CCT6B: variants seen among roughly 807,000 people sequenced by gnomAD.
CCT6B encodes chaperonin containing TCP1 subunit 6B, also known as probable T-complex protein 1 subunit zeta-2.
A neutral mutation model predicts 61.5 loss-of-function variants in CCT6B; 49 were observed. The ratio of observed to expected loss-of-function variants is 0.80; its 90% CI spans 0.63 to 1.01. The LOEUF (loss-of-function observed/expected upper bound fraction) is 1.01, where lower values mean the gene tolerates loss of function less well. Among genes scored for constraint, CCT6B ranks in the 50% least tolerant of loss-of-function variants. CCT6B has a pLI of 0.00. For synonymous variants in CCT6B, 228 were observed against 214.5 expected (o/e 1.06, Z -0.55); for missense variants, 666 against 634.7 (o/e 1.05, Z -0.53).
intron 7 of CCT6B, among the ~76,000 whole-genome samples, chr17:34,941,649 T>C (rs555308734): frequency 6.6e-6 from 1 of 152,332 alleles, no homozygotes; most frequent in African/African-American, 2.4e-5. Flanking sequence ...AGTTTGTCTG[T>C]CAGTCATTCT....
intron 5 of CCT6B, among the ~76,000 whole-genome samples, chr17:34,948,417 A>T (rs1178228319): frequency 6.6e-6 from 1 of 152,160 alleles, no homozygotes; most frequent in Admixed American, 6.5e-5. Context: ...GGCAAATACT[A>T]ATTAAAAGAA....
At chr17:34,954,993 C>T (rs2090332667) in intron 3 of CCT6B, among the ~76,000 whole-genome samples, 1 of 152,164 alleles carries the variant, frequency 6.6e-6, no homozygotes, top group Non-Finnish European at 1.5e-5. Flanking sequence ...GTTAACATCA[C>T]AATAATGAGA....
intron 9 of CCT6B, 68 bp downstream of exon 9, chr17:34,939,549 G>A: frequency 1.0e-6 from 1 of 1,002,118 alleles, no homozygotes; most frequent in East Asian, 2.5e-5. Flanking sequence ...AAAAGGTCAA[G>A]TAGTATTTTT....
rs764310024 is a variant in CCT6B at position 34,942,650 on chromosome 17, G to C, written c.726-7C>G. ...GAAACCAGAGTTCACCTCTCTAAAA[G>C]ATTAATAAAAACCAGCTAGTAAAGG... On this transcript the variant is annotated splice_polypyrimidine_tract_variant and splice_region_variant and intron_variant, in intron 6 of 13. Transcript: ENST00000314144. 3.8e-6 allele frequency: 6 copies of C among 1,571,484 alleles called. No homozygotes were observed. The highest frequency in any genetic ancestry group is 4.3e-6 in the Non-Finnish European group (5 of 1,165,992).
intron 11 of CCT6B, among the ~76,000 whole-genome samples, chr17:34,931,645 T>TAC (rs1381429865): frequency 5.9e-5 from 9 of 152,178 alleles, no homozygotes; most frequent in African/African-American, 2.2e-4. Context: ...AGCAGGATCA[T>TAC]ACTGACTTTG....
intron 5 of CCT6B, chr17:34,943,257 T>C (rs2090186621): frequency 6.2e-6 from 1 of 161,920 alleles, no homozygotes; most frequent in East Asian, 1.7e-4. Context: ...AGTGTGACTA[T>C]GAAGTCACAA....
At chr17:34,954,335 A>C in intron 4 of CCT6B, 91 bp downstream of exon 4, 1 of 998,098 alleles carries the variant, frequency 1.0e-6, no homozygotes, top group Non-Finnish European at 1.4e-6. Context: ...CCAAAAAACC[A>C]CATGAAATAC....
rs1000049411 is a variant in CCT6B, at chr17:34,946,617, G to T, written c.615-3711C>A. ...ATAAAAGAATATTACAATGTTTATA[G>T]CAGCACTATTAATAATGGGCAAAAA... On this transcript the variant is annotated intron_variant, in intron 5 of 13. Transcript: ENST00000314144. 2.0e-5 allele frequency among the ~76,000 whole-genome samples: 3 copies of T among 152,126 alleles called. No individual in the cohort carries two copies. The East Asian group carries it at 5.8e-4, about 29-fold the overall frequency.
At position 34,927,912 on chromosome 17, in the gene CCT6B, G is replaced by T. The variant is rs781553522; in HGVS notation, c.*136C>A. 2.1e-4 allele frequency: 109 copies of T among 520,614 alleles called. No homozygotes were observed. Among genetic ancestry groups the T allele is most frequent in the African/African-American group, 8.0e-5 (4 of 50,202 alleles). The allele number at this position is 520,614 out of a possible 1,614,324, so 32.2% of individuals were successfully genotyped here. Reference sequence around the variant, plus strand: ...CTTTATACCTTGATGAAATATTTTTGAGACTATTAAGACCCAAAAGACATA... The same window carrying T: ...CTTTATACCTTGATGAAATATTTTTTAGACTATTAAGACCCAAAAGACATA... On this transcript the variant is annotated 3_prime_UTR_variant, in exon 14 of 14. Transcript: ENST00000314144.
chr17:34,951,691 C>G (rs931602534), intron 5 of CCT6B, among the ~76,000 whole-genome samples: 2 of 152,134 alleles, frequency 1.3e-5, no homozygotes, highest in Non-Finnish European at 1.5e-5. Flanking sequence ...TCTTAGCTCT[C>G]CAGGTTCTTA....
In CCT6B at chr17:34,958,671, G is replaced by C; in HGVS notation, c.225C>G (p.Ser75=). 1 of 1,600,288 alleles carries C rather than the reference G, an allele frequency of 6.2e-7. No homozygotes were observed. The highest frequency in any genetic ancestry group is 8.5e-7 in the Non-Finnish European group (1 of 1,174,014). The change falls in exon 3 of 14, where the codon TCC becomes TCG. Residue 75 remains serine (S), a synonymous_variant. Transcript: ENST00000314144. Reference sequence around the variant, plus strand: ...GAGCTGTTGCTACTTTTGCTATCAAGGAAGCTGTTGGATGTTGAATTTGCT... The same window carrying C: ...GAGCTGTTGCTACTTTTGCTATCAACGAAGCTGTTGGATGTTGAATTTGCT... ...DEMQIQHPTA[S]LIAKVATAQD...
intron 10 of CCT6B, among the ~76,000 whole-genome samples, chr17:34,937,331 T>C (rs2090105874): frequency 6.6e-6 from 1 of 152,102 alleles, no homozygotes; most frequent in Non-Finnish European, 1.5e-5. Context: ...ATTATAAAGC[T>C]ACAGTCGTCA....
intron 5 of CCT6B, among the ~76,000 whole-genome samples, chr17:34,946,992 T>A (rs2090231238): frequency 6.6e-6 from 1 of 152,236 alleles, no homozygotes; most frequent in Non-Finnish European, 1.5e-5. Context: ...CAAGTCATAT[T>A]GCTATGATAG....
Position 34,939,628 on chromosome 17 carries a change from C to T in CCT6B, c.1054G>A (p.Glu352Lys). Residue 352 changes from glutamate (E) to lysine (K), a missense_variant, in exon 9 of 14, where the codon GAG (glutamate) becomes AAG (lysine). Transcript: ENST00000314144. Reference protein sequence around the residue: ...DCLGHAGLVYEYTLGEEKFTF... With the variant: ...DCLGHAGLVYKYTLGEEKFTF... ...ATAGAAATACTCACTAATGTATACT[C>T]ATACACAAGACCAGCATGTCCCAAG... 1.3e-6 allele frequency: 2 copies of T among 1,597,812 alleles called. No homozygotes were observed. The highest frequency in any genetic ancestry group is 1.1e-5 in the South Asian group (1 of 90,738).
intron 5 of CCT6B, among the ~76,000 whole-genome samples, chr17:34,947,391 T>C (rs1254661238): frequency 6.6e-6 from 1 of 151,978 alleles, no homozygotes; most frequent in Non-Finnish European, 1.5e-5. Flanking sequence ...CAAAGAGAAA[T>C]ATCTTAACAT....
intron 7 of CCT6B, 94 bp downstream of exon 7, chr17:34,942,390 A>G: frequency 1.1e-6 from 1 of 924,424 alleles, no homozygotes; most frequent in Non-Finnish European, 1.6e-6. Flanking sequence ...ACTCTCTGAA[A>G]AAGTCTTAGG....
Position 34,931,977 on chromosome 17 carries a change from T to C in CCT6B, c.1347+390A>G, listed in dbSNP as rs1328081703. Among the ~76,000 whole-genome samples the C allele has an allele frequency of 2.0e-5, 3 of 152,156 alleles. No homozygotes were observed. The East Asian group carries it at 5.8e-4, about 29-fold the overall frequency. On this transcript the variant is annotated intron_variant, in intron 11 of 13. Transcript: ENST00000314144. ...GCTAAAGAGCCTCAAGCCCTCCCTC[T>C]CCACAATTTAAATTGATTACATTTG...
At chr17:34,938,696 T>A (rs2090123414) in intron 10 of CCT6B, among the ~76,000 whole-genome samples, 1 of 152,024 alleles carries the variant, frequency 6.6e-6, no homozygotes, top group Non-Finnish European at 1.5e-5. Flanking sequence ...TGAAACCTCA[T>A]CTCTACCAAA....
At chr17:34,960,863 C>A (rs909866042) in intron 1 of CCT6B, among the ~76,000 whole-genome samples, 1 of 152,198 alleles carries the variant, frequency 6.6e-6, no homozygotes, top group Non-Finnish European at 1.5e-5. Context: ...GGCTCCAAAG[C>A]CTGTGTCCTC....
Sources: gnomAD v4.1 joint callset for allele counts (sites outside exome capture counted in the v4.1 genomes callset) on GRCh38, gnomAD v4.1.1 for gene constraint, MANE v1.5 for transcripts, NCBI Gene and HGNC (gene_info 2026-07-23, HGNC 2026-07-21) for gene names.